Variants in TAFA5 observed in about 807,000 individuals in gnomAD.
The protein encoded by TAFA5 is TAFA chemokine like family member 5.
Under a neutral mutation model 15.3 loss-of-function variants are expected in TAFA5, and 6 were observed. That is an observed-to-expected ratio of 0.39 (90% confidence interval 0.21 to 0.77). The LOEUF (loss-of-function observed/expected upper bound fraction) is 0.77, where lower values mean the gene tolerates loss of function less well. TAFA5 is among the 30% of genes least tolerant of loss of function. TAFA5 has a pLI of 0.41. For missense variants in TAFA5, 161 were observed against 193.1 expected (o/e 0.83, Z 0.98); for synonymous variants, 103 against 80.7 (o/e 1.28, Z -1.48).
rs5768737 is a variant in TAFA5, at chr22:48,572,755, G to A, written c.113-73842G>A. Among the ~76,000 whole-genome samples the A allele has an allele frequency of 0.012, 1,897 of 152,278 alleles. 145 individuals are homozygous for A. The East Asian group carries it at 0.23, about 18-fold the overall frequency. On this transcript the variant is annotated intron_variant, in intron 1 of 3. Transcript: ENST00000402357. ...AAGCCTATTTTTGATACAGTAATGT[G>A]TTTTCTTTATGAACACATTACATAC...
intron 1 of TAFA5, among the ~76,000 whole-genome samples, chr22:48,546,126 C>T (rs1157614874): frequency 3.3e-5 from 5 of 152,132 alleles, no homozygotes; most frequent in Non-Finnish European, 5.9e-5. Context: ...CAGGTGGGCT[C>T]GCTGAGTCGG....
chr22:48,530,501 C>T lies in TAFA5; in HGVS notation c.112+40797C>T, dbSNP rs1921935808. Among the ~76,000 whole-genome samples the T allele has an allele frequency of 6.6e-6, 1 of 152,162 alleles. No homozygotes were observed. Among genetic ancestry groups the T allele is most frequent in the Admixed American group, 6.5e-5 (1 of 15,286 alleles). Reference sequence around the variant, plus strand: ...CCTTGGGATGGTTCAGGGGAACCTGCTGCAGGTTTACAGAGAGAGAAGCTG... The same window carrying T: ...CCTTGGGATGGTTCAGGGGAACCTGTTGCAGGTTTACAGAGAGAGAAGCTG... On this transcript the variant is annotated intron_variant, in intron 1 of 3. Transcript: ENST00000402357. This position sits in a 1 kb window ranked among gnomAD's most constrained non-coding sequence, Gnocchi z 6.0.
At chr22:48,646,517 G>GTGGGTGGGCTC in intron 1 of TAFA5, 80 bp from the exon 2 acceptor site, 1 of 1,541,744 alleles carries the variant, frequency 6.5e-7, no homozygotes, top group Non-Finnish European at 8.8e-7. Flanking sequence ...GGGCCCCTCT[G>GTGGGTGGGCTC]TGGGTGGGCT....
chr22:48,501,378 C>T (rs1433596478), intron 1 of TAFA5, among the ~76,000 whole-genome samples: 2 of 152,360 alleles, frequency 1.3e-5, no homozygotes, highest in Middle Eastern at 3.4e-3. Flanking sequence ...TTCCCGCCCT[C>T]GCGTCTGGGC....
In TAFA5 at chr22:48,685,945, G is replaced by A. The variant is rs143569961; in HGVS notation, c.263-21772G>A. On this transcript the variant is annotated intron_variant, in intron 2 of 3. Coordinates refer to ENST00000402357, the MANE Select transcript of TAFA5 (RefSeq NM_001082967.3). ...ACGTGCGCCCCGGGAGTACACACAG[G>A]CCCCACGTGCGCCCCGGGAGTACAC... Among the ~76,000 whole-genome samples the A allele has an allele frequency of 6.1e-3, 826 of 135,494 alleles. 7 individuals are homozygous for A. The highest frequency in any genetic ancestry group is 0.03 in the African/African-American group (785 of 26,012). The allele number at this position is 135,494 out of a possible 152,430, so 88.9% of individuals were successfully genotyped here. A position where few individuals can be genotyped will look rare whatever the true frequency, so the allele number is the denominator to read the frequency against.
intron 1 of TAFA5, among the ~76,000 whole-genome samples, chr22:48,506,709 C>G (rs915984997): frequency 4.6e-5 from 7 of 152,200 alleles, no homozygotes; most frequent in Non-Finnish European, 8.8e-5. Context: ...CGCCACTGCG[C>G]TCAGGGCACA....
At chr22:48,535,259 CCACA>C (rs139510186) in intron 1 of TAFA5, among the ~76,000 whole-genome samples, 5 of 152,054 alleles carry the variant, frequency 3.3e-5, no homozygotes, top group East Asian at 1.9e-4. Context: ...GTCTTTTCAT[CCACA>C]CACACACAGT....
intron 1 of TAFA5, among the ~76,000 whole-genome samples, chr22:48,594,928 T>A (rs527769690): frequency 2.6e-5 from 4 of 151,594 alleles, no homozygotes; most frequent in Non-Finnish European, 5.9e-5. Flanking sequence ...CTGCCCCATG[T>A]CCCCAGCACA....
At chr22:48,634,644 GTCAT>G (rs982657861) in intron 1 of TAFA5, among the ~76,000 whole-genome samples, 122 of 150,928 alleles carry the variant, frequency 8.1e-4, no homozygotes, top group African/African-American at 2.8e-3. Flanking sequence ...CATTTACTCA[GTCAT>G]TCACTCACTC....
intron 1 of TAFA5, among the ~76,000 whole-genome samples, chr22:48,531,219 T>C (rs954308238): frequency 6.6e-6 from 1 of 152,078 alleles, no homozygotes; most frequent in Non-Finnish European, 1.5e-5. Flanking sequence ...TGCATGGAGC[T>C]CAGATGTGTG....
At chr22:48,513,211 C>A (rs970873618) in intron 1 of TAFA5, among the ~76,000 whole-genome samples, 6 of 152,222 alleles carry the variant, frequency 3.9e-5, no homozygotes, top group Non-Finnish European at 8.8e-5. Flanking sequence ...GTCCTCACTC[C>A]GCATTGGTGA....
At chr22:48,576,546 G>A (rs1326573269) in intron 1 of TAFA5, 2 of 1,517,468 alleles carry the variant, frequency 1.3e-6, no homozygotes, top group Admixed American at 3.9e-5. Flanking sequence ...TCGTCCTAGT[G>A]ATCCACGCGC....
chr22:48,721,846 G>A (rs555546077), intron 3 of TAFA5, among the ~76,000 whole-genome samples: 2 of 152,304 alleles, frequency 1.3e-5, no homozygotes, highest in South Asian at 4.1e-4. Flanking sequence ...GCACGCACCT[G>A]TGATCCTAGC....
At chr22:48,554,208 G>A (rs1006419359) in intron 1 of TAFA5, among the ~76,000 whole-genome samples, 3 of 152,126 alleles carry the variant, frequency 2.0e-5, no homozygotes, top group Admixed American at 2.0e-4. Context: ...AAATGCTCCC[G>A]GGTGTCTGGG....
chr22:48,618,802 C>T (rs974196452), intron 1 of TAFA5, among the ~76,000 whole-genome samples: 42 of 152,198 alleles, frequency 2.8e-4, no homozygotes, highest in African/African-American at 8.4e-4. Flanking sequence ...GCCTCTGAGG[C>T]TCTCCTTTCT....
chr22:48,717,293 T>A (rs1929429639), intron 3 of TAFA5, among the ~76,000 whole-genome samples: 1 of 152,164 alleles, frequency 6.6e-6, no homozygotes, highest in South Asian at 2.1e-4. Context: ...TGGAACTCCA[T>A]CACTGCTGGA....
chr22:48,744,316 C>T (rs998338533), intron 3 of TAFA5, among the ~76,000 whole-genome samples: 1 of 152,222 alleles, frequency 6.6e-6, no homozygotes, highest in Non-Finnish European at 1.5e-5. Flanking sequence ...GGGCCACAGA[C>T]TGTGGTTCTC....
intron 1 of TAFA5, among the ~76,000 whole-genome samples, chr22:48,590,314 G>C: frequency 6.6e-6 from 1 of 152,194 alleles, no homozygotes; most frequent in East Asian, 1.9e-4. Flanking sequence ...GCAAGGGCAC[G>C]CACCGCTGTT....
intron 1 of TAFA5, among the ~76,000 whole-genome samples, chr22:48,514,642 A>T (rs1435669362): frequency 6.6e-6 from 1 of 152,006 alleles, no homozygotes; most frequent in Admixed American, 6.6e-5. Flanking sequence ...TCAGTCCCCC[A>T]CTCATGCCAG....
Sources: allele counts gnomAD v4.1 joint callset (sites outside exome capture counted in the v4.1 genomes callset), GRCh38; gene constraint gnomAD v4.1.1; non-coding constraint Gnocchi (gnomAD v3.1); transcripts MANE v1.5; gene names NCBI Gene and HGNC (gene_info 2026-07-23, HGNC 2026-07-21).